GPHN: variants seen among roughly 807,000 people sequenced by gnomAD.
The protein encoded by GPHN is gephyrin.
In GPHN, 17 loss-of-function variants were observed where a neutral mutation model predicts 95.5. That is an observed-to-expected ratio of 0.18 (90% CI 0.12 to 0.27). The LOEUF is 0.27. Among genes scored for constraint, GPHN ranks in the 10% least tolerant of loss-of-function variants. GPHN has a pLI of 1.00. For synonymous variants in GPHN, 320 were observed against 322.5 expected (o/e 0.99, Z 0.08); for missense variants, 660 against 978.1 (o/e 0.67, Z 4.34).
intron 4 of GPHN, among the ~76,000 whole-genome samples, chr14:66,835,838 C>T (rs920990632): frequency 2.0e-5 from 3 of 151,982 alleles, no homozygotes; most frequent in Non-Finnish European, 2.9e-5. Context: ...AACTCCCATT[C>T]ACAATTGCTT....
At chr14:67,603,795 G>A in the GPHN span, among the ~76,000 whole-genome samples, 1 of 152,056 alleles carries the variant, frequency 6.6e-6, no homozygotes, top group Admixed American at 6.6e-5. Context: ...CTCCTGCTGA[G>A]GTCAGCCTCC....
At chr14:67,498,781 T>A in the GPHN span, among the ~76,000 whole-genome samples, 1 of 152,062 alleles carries the variant, frequency 6.6e-6, no homozygotes, top group Non-Finnish European at 1.5e-5. Context: ...TTCTCCTGTC[T>A]CAGTCTCTCG....
chr14:67,357,678 T>C, the GPHN span, among the ~76,000 whole-genome samples: 1 of 152,196 alleles, frequency 6.6e-6, no homozygotes, highest in East Asian at 1.9e-4. Flanking sequence ...CCACTGATAG[T>C]AGGGGAAAGG....
the GPHN span, among the ~76,000 whole-genome samples, chr14:67,629,341 C>T: frequency 0.013 from 1,996 of 152,232 alleles, 49 homozygotes; most frequent in African/African-American, 0.045. Context: ...AAAGCCTCAT[C>T]TGTTTAAGAA....
At chr14:66,525,535 G>T (rs1422643566) in intron 1 of GPHN, among the ~76,000 whole-genome samples, 12 of 152,124 alleles carry the variant, frequency 7.9e-5, no homozygotes, top group Non-Finnish European at 4.4e-5. Context: ...TGTTGCCATT[G>T]CTTTTGGTGT....
chr14:67,105,924 G>A (rs2078011142), intron 13 of GPHN, among the ~76,000 whole-genome samples: 1 of 151,976 alleles, frequency 6.6e-6, no homozygotes, highest in Admixed American at 6.6e-5. Context: ...CATTGCAGTT[G>A]GGTGGTTTTC....
the GPHN span, among the ~76,000 whole-genome samples, chr14:67,211,805 T>C: frequency 6.6e-6 from 1 of 151,942 alleles, no homozygotes; most frequent in Non-Finnish European, 1.5e-5. Flanking sequence ...GATCAAGCCA[T>C]TGCACTCCAG....
chr14:67,057,174 G>A (rs979490258), intron 10 of GPHN, among the ~76,000 whole-genome samples: 19 of 152,206 alleles, frequency 1.2e-4, no homozygotes, highest in Non-Finnish European at 2.1e-4. Flanking sequence ...CAGAGTGGAC[G>A]TGAGGCCAAG....
At chr14:66,639,579 A>G in intron 1 of GPHN, among the ~76,000 whole-genome samples, 1 of 151,848 alleles carries the variant, frequency 6.6e-6, no homozygotes, top group Non-Finnish European at 1.5e-5. Context: ...AAAATTACAT[A>G]GTCCATCTGA....
At chr14:66,650,156 T>C (rs1030477256) in intron 1 of GPHN, among the ~76,000 whole-genome samples, 2 of 151,856 alleles carry the variant, frequency 1.3e-5, no homozygotes, top group South Asian at 4.2e-4. Context: ...TATGGGTTCA[T>C]TGCAGTAGGT....
chr14:66,562,123 T>G (rs575704717), intron 1 of GPHN, among the ~76,000 whole-genome samples: 216 of 152,276 alleles, frequency 1.4e-3, no homozygotes, highest in Non-Finnish European at 2.4e-3. Flanking sequence ...TAGTATTAAT[T>G]GTATTTGCTA....
chr14:67,557,743 G>A, the GPHN span, among the ~76,000 whole-genome samples: 1 of 152,200 alleles, frequency 6.6e-6, no homozygotes, highest in Non-Finnish European at 1.5e-5. Context: ...TATAAAAGAA[G>A]GGTGGAAACA....
chr14:67,312,649 C>T, the GPHN span: 1 of 1,613,316 alleles, frequency 6.2e-7, no homozygotes, highest in East Asian at 2.2e-5. Flanking sequence ...AAGATCCAAA[C>T]TGGTGGCAGG....
chr14:66,899,139 T>C (rs1180523924), intron 5 of GPHN, among the ~76,000 whole-genome samples: 1 of 151,392 alleles, frequency 6.6e-6, no homozygotes, highest in East Asian at 1.9e-4. Flanking sequence ...TTTTTTTTGT[T>C]TTTTGTTTTG....
At chr14:66,817,105 ATAATATACTGATCTATTATGT>A (rs2061001103) in intron 3 of GPHN, among the ~76,000 whole-genome samples, 1 of 152,148 alleles carries the variant, frequency 6.6e-6, no homozygotes, top group South Asian at 2.1e-4. Context: ...TAATAACACC[ATAATATACTGATCTATTATGT>A]TAATATACTG....
chr14:67,040,887 G>A (rs2074667934), intron 10 of GPHN, among the ~76,000 whole-genome samples: 1 of 152,158 alleles, frequency 6.6e-6, no homozygotes, highest in African/African-American at 2.4e-5. Context: ...CTAAAAGGGT[G>A]TCTGCGAGAT....
At chr14:66,596,899 C>G (rs887393299) in intron 1 of GPHN, among the ~76,000 whole-genome samples, 13 of 152,202 alleles carry the variant, frequency 8.5e-5, no homozygotes, top group African/African-American at 2.9e-4. Flanking sequence ...TGTGCCTCCC[C>G]CACTGCATCT....
chr14:66,533,914 A>G (rs1215483072), intron 1 of GPHN, among the ~76,000 whole-genome samples: 1 of 152,330 alleles, frequency 6.6e-6, no homozygotes. Context: ...AAATTTAAGG[A>G]TTATCTATAC....
chr14:67,623,249 G>A, the GPHN span, among the ~76,000 whole-genome samples: 2 of 152,280 alleles, frequency 1.3e-5, no homozygotes, highest in African/African-American at 4.8e-5. Flanking sequence ...AGTACCAAGA[G>A]ACATTTCAGT....
Sources: allele counts gnomAD v4.1 joint callset (sites outside exome capture counted in the v4.1 genomes callset), GRCh38; gene constraint gnomAD v4.1.1; transcripts MANE v1.5; gene names NCBI Gene and HGNC (gene_info 2026-07-23, HGNC 2026-07-21).